NAV1: variants seen among roughly 807,000 people sequenced by gnomAD.
NAV1 encodes the protein pore membrane and/or filament interacting like protein 3.
Under a neutral mutation model 175.2 loss-of-function variants are expected in NAV1, and 18 were observed. The ratio of observed to expected loss-of-function variants is 0.10; its 90% CI spans 0.07 to 0.15. NAV1 has a LOEUF of 0.15. Among genes scored for constraint, NAV1 ranks in the 10% least tolerant of loss-of-function variants. NAV1 has a pLI of 1.00. For synonymous variants in NAV1, 897 were observed against 978.7 expected (o/e 0.92, Z 1.56); for missense variants, 1,731 against 2,436.6 (o/e 0.71, Z 6.10).
At chr1:201,822,106 G>C (rs898389580) in exon 30 of NAV1, 2 of 152,690 alleles carry the variant, frequency 1.3e-5, no homozygotes, top group African/African-American at 4.8e-5. Context: ...GGTTCTGTAT[G>C]ATGGAGACTA....
upstream of NAV1, among the ~76,000 whole-genome samples, chr1:201,619,397 T>TG (rs569446921): frequency 4.1e-3 from 623 of 152,162 alleles, 4 homozygotes; most frequent in African/African-American, 0.014. Flanking sequence ...CAACCTGAGT[T>TG]GGGGAGGAAC....
chr1:201,642,525 T>TCTTTCTTTCTTTCTTTCTTTC (rs1553247054), intron 2 of NAV1, among the ~76,000 whole-genome samples: 10 of 100,412 alleles, frequency 1.0e-4, no homozygotes, highest in African/African-American at 4.3e-4. Context: ...TTCTTTCTTT[T>TCTTTCTTTCTTTCTTTCTTTC]TTTCTTTCTT....
intron 1 of NAV1, among the ~76,000 whole-genome samples, chr1:201,709,955 T>C (rs1030507269): frequency 1.3e-5 from 2 of 152,040 alleles, no homozygotes; most frequent in Non-Finnish European, 2.9e-5. Context: ...TTGGCGACTC[T>C]GGGAGACTCT....
rs1678601500 is a variant in NAV1 at position 201,810,182 on chromosome 1, T to G, written c.4561+77T>G. 1.1e-5 allele frequency: 17 copies of G among 1,548,980 alleles called. No individual in the cohort carries two copies. The South Asian group carries it at 1.9e-4, about 17-fold the overall frequency. On this transcript the variant is annotated intron_variant, in intron 23 of 29. Coordinates refer to ENST00000367296, the Ensembl canonical transcript of NAV1. The surrounding 1 kb of genome is among the most constrained non-coding windows in gnomAD (Gnocchi z 6.0). The stretch of plus-strand genomic sequence containing the variant: ...GATCATCAAATAATCCATCATGCAT[T>G]CATTCACCAAGAACTCACTGAGAAG...
chr1:201,804,063 A>G (rs369062874), intron 16 of NAV1: 3 of 486,722 alleles, frequency 6.2e-6, no homozygotes, highest in Admixed American at 2.6e-5. Context: ...CTTCTATACT[A>G]TGGAGAGATT....
At chr1:201,578,647 T>A (rs1304845595) in intron 1 of NAV1, among the ~76,000 whole-genome samples, 1 of 152,176 alleles carries the variant, frequency 6.6e-6, no homozygotes, top group African/African-American at 2.4e-5. Context: ...GACACCACCC[T>A]AGTGGGGTTG....
At chr1:201,672,212 G>A (rs537966760) in intron 1 of NAV1, among the ~76,000 whole-genome samples, 3 of 152,294 alleles carry the variant, frequency 2.0e-5, no homozygotes, top group Non-Finnish European at 4.4e-5. Flanking sequence ...CACATACTGA[G>A]TCAAAAGTTT....
intron 1 of NAV1, among the ~76,000 whole-genome samples, chr1:201,712,290 C>T (rs774088459): frequency 1.1e-4 from 16 of 152,220 alleles, no homozygotes; most frequent in Non-Finnish European, 1.8e-4. Context: ...CTCTTCCTAA[C>T]TCTGTGGTCA....
At chr1:201,606,887 C>T (rs1262849795) in intron 2 of NAV1, among the ~76,000 whole-genome samples, 1 of 152,332 alleles carries the variant, frequency 6.6e-6, no homozygotes, top group Admixed American at 6.5e-5. Context: ...GGAGGACAAA[C>T]AACTCGGTTA....
Position 201,592,943 on chromosome 1 carries a change from G to A in NAV1, c.-33+4294G>A, listed in dbSNP as rs566157912. Among the ~76,000 whole-genome samples, 10 of 152,168 alleles carry A rather than the reference G, an allele frequency of 6.6e-5. No individual in the cohort carries two copies. In the South Asian group the frequency reaches 1.0e-3, roughly 16 times the overall value. On this transcript the variant is annotated intron_variant, in intron 2 of 33. Transcript: ENST00000685211. The stretch of plus-strand genomic sequence containing the variant: ...ACTACCATTCTCAATTTGGGGCTAC[G>A]TCCTCTCCCAGTCACATCTCACTCC...
chr1:201,818,771 A>T (rs1679219371), intron 29 of NAV1, among the ~76,000 whole-genome samples: 1 of 152,202 alleles, frequency 6.6e-6, no homozygotes, highest in Admixed American at 6.5e-5. Flanking sequence ...TTAAAACTTA[A>T]CATGCGCAAA....
chr1:201,767,648 G>A (rs965931320), intron 3 of NAV1, among the ~76,000 whole-genome samples: 41 of 152,030 alleles, frequency 2.7e-4, no homozygotes, highest in African/African-American at 9.4e-4. Flanking sequence ...GCCACATTTC[G>A]AGTACTCATT....
chr1:201,706,288 T>C (rs1262458497), intron 1 of NAV1, among the ~76,000 whole-genome samples: 1 of 151,986 alleles, frequency 6.6e-6, no homozygotes. Context: ...TGTCTGTGTG[T>C]TGTGTTGCTT....
intron 2 of NAV1, among the ~76,000 whole-genome samples, chr1:201,714,818 A>G (rs1672067549): frequency 6.6e-6 from 1 of 152,210 alleles, no homozygotes; most frequent in Non-Finnish European, 1.5e-5. Flanking sequence ...CAGGAGTAGG[A>G]GAGAAGTAGC....
intron 1 of NAV1, among the ~76,000 whole-genome samples, chr1:201,706,238 G>A (rs1329329610): frequency 1.3e-5 from 2 of 148,726 alleles, no homozygotes; most frequent in Non-Finnish European, 3.0e-5. Context: ...TCTCTTTTTG[G>A]GAGTTATTAA....
chr1:201,713,970 T>A lies in NAV1; in HGVS notation c.860+1051T>A, dbSNP rs114221035. On this transcript the variant is annotated intron_variant, in intron 2 of 29. Coordinates refer to ENST00000367296, the Ensembl canonical transcript of NAV1. ...TTTTTTATTTTTAACATAGGCTTTT[T>A]AAAAATATTTTGTTATTATTTTTAA... 5.7e-3 allele frequency among the ~76,000 whole-genome samples: 864 copies of A among 152,352 alleles called. 9 individuals carry two copies. The highest frequency in any genetic ancestry group is 0.02 in the African/African-American group (819 of 41,578).
intron 2 of NAV1, among the ~76,000 whole-genome samples, chr1:201,598,249 TTGAAACCTCG>T (rs1376347140): frequency 1.3e-5 from 2 of 152,200 alleles, no homozygotes; most frequent in Non-Finnish European, 2.9e-5. Flanking sequence ...AAGGATAAGC[TTGAAACCTCG>T]TGGTGTGTGG....
intron 1 of NAV1, among the ~76,000 whole-genome samples, chr1:201,624,336 CTTTTTTTTTTTTTT>C (rs1188885818): frequency 2.5e-5 from 2 of 79,444 alleles, no homozygotes; most frequent in African/African-American, 1.1e-4. Flanking sequence ...GTCAACTACG[CTTTTTTTTTTTTTT>C]TTTTTTTTTT....
chr1:201,651,553 T>G (rs1207695427), intron 1 of NAV1, among the ~76,000 whole-genome samples: 3 of 152,196 alleles, frequency 2.0e-5, no homozygotes, highest in Non-Finnish European at 4.4e-5. Context: ...ACACCTCCAC[T>G]TCCCAGTTGG....
Sources: gnomAD v4.1 joint callset for allele counts (sites outside exome capture counted in the v4.1 genomes callset) on GRCh38, gnomAD v4.1.1 for gene constraint, Gnocchi (gnomAD v3.1) non-coding constraint, MANE v1.5 for transcripts, NCBI Gene and HGNC (gene_info 2026-07-23, HGNC 2026-07-21) for gene names.